PWWP2B: variants seen among roughly 807,000 people sequenced by gnomAD.
The protein encoded by PWWP2B is PWWP domain-containing protein 2B.
A neutral mutation model predicts 15.5 loss-of-function variants in PWWP2B; 9 were observed. The observed-to-expected ratio is 0.58, with a 90% CI of 0.35 to 1.02. The LOEUF is 1.02. PWWP2B is among the 50% of genes least tolerant of loss of function. The pLI is 0.02. For missense variants in PWWP2B, 864 were observed against 865.3 expected (o/e 1.00, Z 0.02); for synonymous variants, 474 against 403.6 (o/e 1.17, Z -2.09).
chr10:132,404,769 G>T lies in PWWP2B; in HGVS notation c.269G>T (p.Gly90Val). The change falls in exon 2 of 3, where the codon GGG (glycine) becomes GTG (valine). Residue 90 changes from glycine (G) to valine (V), a missense_variant. Physicochemically the swap from Gly to Val is moderately radical, Grantham distance 109. Around this residue, in one of 2 missense-constraint regions of PWWP2B, gnomAD observed 736 missense variants for 687.7 expected, o/e 1.07. Coordinates refer to ENST00000305233, the MANE Select transcript of PWWP2B (RefSeq NM_138499.4). ...LGSSSPPPARGVQPPETTRPE... is the reference protein window; with the variant it reads ...LGSSSPPPARVVQPPETTRPE... ...TCCAGCTCCCCCCCTCCTGCCCGCG[G>T]GGTTCAGCCCCCCGAGACCACCCGC... 2 of 1,570,668 alleles carry T rather than the reference G, an allele frequency of 1.3e-6. No homozygotes were observed. Among genetic ancestry groups the T allele is most frequent in the South Asian group, 1.1e-5 (1 of 88,838 alleles).
At position 132,405,129 on chromosome 10, in the gene PWWP2B, G is replaced by C; in HGVS notation, c.629G>C (p.Arg210Thr). 1.3e-6 allele frequency: 2 copies of C among 1,543,674 alleles called. No homozygotes were observed. The highest frequency in any genetic ancestry group is 2.2e-4 in the Middle Eastern group (1 of 4,502). Reference protein sequence around the residue: ...ARRRLGSGPDRELRKPEEPEN... With the variant: ...ARRRLGSGPDTELRKPEEPEN... ...AGGAGGCTGGGCAGCGGCCCGGACA[G>C]GGAGCTCCGCAAGCCGGAGGAGCCG... The change falls in exon 2 of 3, where the codon AGG becomes ACG. Residue 210 changes from arginine to threonine, a missense_variant. Coordinates refer to ENST00000305233, the MANE Select transcript of PWWP2B (RefSeq NM_138499.4).
intron 1 of PWWP2B, among the ~76,000 whole-genome samples, chr10:132,398,311 A>G (rs1207489985): frequency 2.0e-5 from 3 of 152,126 alleles, no homozygotes; most frequent in Non-Finnish European, 4.4e-5. Flanking sequence ...ATTTATCCAC[A>G]AGTCACGTGA....
intron 2 of PWWP2B, among the ~76,000 whole-genome samples, chr10:132,412,776 TGG>T (rs2069798316): frequency 6.6e-6 from 1 of 152,226 alleles, no homozygotes; most frequent in Non-Finnish European, 1.5e-5. Context: ...AGAATTCTCA[TGG>T]AGGCCAGGGT....
At chr10:132,402,078 T>A (rs1395569497) in intron 1 of PWWP2B, among the ~76,000 whole-genome samples, 1 of 151,942 alleles carries the variant, frequency 6.6e-6, no homozygotes, top group Non-Finnish European at 1.5e-5. Context: ...CCCTGGGCAC[T>A]GATGCAGGTG....
In PWWP2B at chr10:132,407,705, C is replaced by T. The variant is rs557514202; in HGVS notation, c.*16+1416C>T. Among the ~76,000 whole-genome samples the T allele has an allele frequency of 2.6e-5, 4 of 152,346 alleles. No individual in the cohort carries two copies. The South Asian group carries it at 6.2e-4, about 24-fold the overall frequency. ...CCAGGCACAAACCTGGCTGCTCCCC[C>T]CGCCCCAGGAACCAGGCCCTTTTCT... is the stretch of plus-strand genomic sequence containing the variant. On this transcript the variant is annotated intron_variant, in intron 2 of 2. Coordinates refer to ENST00000305233, the MANE Select transcript of PWWP2B (RefSeq NM_138499.4).
chr10:132,398,329 T>A (rs1280977205), intron 1 of PWWP2B, among the ~76,000 whole-genome samples: 6 of 152,196 alleles, frequency 3.9e-5, no homozygotes. Context: ...TGATTTAACA[T>A]ATGGCTCCCG....
intron 2 of PWWP2B, 24 bp downstream of exon 2, chr10:132,406,313 C>T: frequency 2.6e-6 from 4 of 1,562,022 alleles, no homozygotes; most frequent in Non-Finnish European, 8.7e-7. Flanking sequence ...CGGCAGCCTC[C>T]TTCCCCCCAG....
intron 2 of PWWP2B, 151 bp from the exon 3 acceptor site, chr10:132,416,910 A>C: frequency 1.3e-6 from 1 of 771,402 alleles, no homozygotes; most frequent in Non-Finnish European, 2.3e-6. Context: ...CCCTGAGGGA[A>C]GGAGGGCCGG....
At chr10:132,417,030 A>T in intron 2 of PWWP2B, 31 bp from the exon 3 acceptor site, 1 of 1,613,174 alleles carries the variant, frequency 6.2e-7, no homozygotes, top group Non-Finnish European at 8.5e-7. Flanking sequence ...ACCCTGAGTT[A>T]AATCTCTGCC....
chr10:132,405,135 T>G lies in PWWP2B; in HGVS notation c.635T>G (p.Leu212Arg). The G allele has an allele frequency of 6.5e-7, 1 of 1,543,154 alleles. No individual in the cohort carries two copies. Among genetic ancestry groups the G allele is most frequent in the Non-Finnish European group, 8.7e-7 (1 of 1,144,006 alleles). ...CTGGGCAGCGGCCCGGACAGGGAGC[T>G]CCGCAAGCCGGAGGAGCCGGAGAAC... ...RRLGSGPDRE[L>R]RKPEEPENGE... The change falls in exon 2 of 3, where the codon CTC (leucine) becomes CGC (arginine). Residue 212 changes from leucine (L) to arginine (R), a missense_variant. Coordinates refer to ENST00000305233, the MANE Select transcript of PWWP2B (RefSeq NM_138499.4).
At chr10:132,413,960 T>G (rs2133165267) in intron 2 of PWWP2B, among the ~76,000 whole-genome samples, 1 of 152,270 alleles carries the variant, frequency 6.6e-6, no homozygotes, top group South Asian at 2.1e-4. Flanking sequence ...CGGTGGGGGC[T>G]CTGAGGGCTC....
chr10:132,406,098 C>T lies in PWWP2B; in HGVS notation c.1598C>T (p.Ser533Phe). ...WREAKVSWFG[S>F]PTTSFLSISK... ...GAAGCGAAGGTCTCGTGGTTTGGTT[C>T]TCCGACTACGTCGTTCTTGTCTATT... Residue 533 changes from serine (S) to phenylalanine (F), a missense_variant, in exon 2 of 3, where the codon TCT (serine) becomes TTT (phenylalanine). Coordinates refer to ENST00000305233, the MANE Select transcript of PWWP2B (RefSeq NM_138499.4). 1.2e-6 allele frequency: 2 copies of T among 1,613,828 alleles called. No individual in the cohort carries two copies. Among genetic ancestry groups the T allele is most frequent in the African/African-American group, 2.7e-5 (2 of 75,078 alleles).
chr10:132,410,574 C>T (rs1029137194), intron 2 of PWWP2B, among the ~76,000 whole-genome samples: 3 of 152,084 alleles, frequency 2.0e-5, no homozygotes, highest in African/African-American at 4.8e-5. Flanking sequence ...GGGAGGGGGG[C>T]GTGCCCAGAG....
At position 132,417,423 on chromosome 10, in the gene PWWP2B, C is replaced by A. The variant is rs2069876135; in HGVS notation, c.*379C>A. 5.5e-6 allele frequency: 2 copies of A among 366,014 alleles called. No individual in the cohort carries two copies. The highest frequency in any genetic ancestry group is 5.5e-5 in the East Asian group (1 of 18,280). The allele number at this position is 366,014 out of a possible 1,614,324, so 22.7% of individuals were successfully genotyped here. A position where few individuals can be genotyped will look rare whatever the true frequency, so the allele number is the denominator to read the frequency against. ...CGCATGCTGGGGTCCCATGGAGGAACCAGGCCTGGCGCCCCGGCCTCGCCC... is the reference window on the plus strand; with the variant it reads ...CGCATGCTGGGGTCCCATGGAGGAAACAGGCCTGGCGCCCCGGCCTCGCCC... On this transcript the variant is annotated 3_prime_UTR_variant, in exon 3 of 3. Coordinates refer to ENST00000305233, the MANE Select transcript of PWWP2B (RefSeq NM_138499.4).
chr10:132,408,966 C>T (rs956692286), intron 2 of PWWP2B, among the ~76,000 whole-genome samples: 2 of 152,246 alleles, frequency 1.3e-5, no homozygotes, highest in Non-Finnish European at 2.9e-5. Flanking sequence ...CTGTGACACA[C>T]TTGGGCACCC....
At chr10:132,403,024 T>C (rs2069633020) in intron 1 of PWWP2B, among the ~76,000 whole-genome samples, 1 of 152,228 alleles carries the variant, frequency 6.6e-6, no homozygotes, top group Non-Finnish European at 1.5e-5. Flanking sequence ...GCGAAAGTCT[T>C]AGCCCATCAG....
chr10:132,399,638 G>A (rs978242338), intron 1 of PWWP2B, among the ~76,000 whole-genome samples: 2 of 152,406 alleles, frequency 1.3e-5, no homozygotes, highest in Middle Eastern at 3.4e-3. Context: ...CACCTACTGT[G>A]TGCCAGGAAG....
intron 1 of PWWP2B, among the ~76,000 whole-genome samples, chr10:132,400,921 A>T (rs1354190177): frequency 6.6e-6 from 1 of 152,218 alleles, no homozygotes; most frequent in Non-Finnish European, 1.5e-5. Flanking sequence ...GGCATCTGCC[A>T]TCTCATGGCC....
chr10:132,398,649 C>T (rs1438572890), intron 1 of PWWP2B, among the ~76,000 whole-genome samples: 1 of 152,256 alleles, frequency 6.6e-6, no homozygotes, highest in Non-Finnish European at 1.5e-5. Context: ...GGGCTCTCCT[C>T]CCTGAGGCCC....
Sources: gnomAD v4.1 joint callset for allele counts (sites outside exome capture counted in the v4.1 genomes callset) on GRCh38, gnomAD v4.1.1 for gene constraint, gnomAD v4.1.1 regional missense constraint, MANE v1.5 for transcripts, NCBI Gene and HGNC (gene_info 2026-07-23, HGNC 2026-07-21) for gene names.